ACOXL: variants seen among roughly 807,000 people sequenced by gnomAD.
The protein encoded by ACOXL is acyl-CoA oxidase like.
Under a neutral mutation model 71.9 loss-of-function variants are expected in ACOXL, and 70 were observed. The ratio of observed to expected loss-of-function variants is 0.97; its 90% CI spans 0.80 to 1.19. The LOEUF (loss-of-function observed/expected upper bound fraction) is 1.19. ACOXL is among the 50% of genes most tolerant of loss of function. The probability of loss-of-function intolerance (pLI) is 0.00; values close to 1 mark genes in which losing one functional copy is unlikely to be tolerated. For synonymous variants in ACOXL, 253 were observed against 281.6 expected, an observed-to-expected ratio of 0.90 and a Z score of 1.02; for missense variants, 703 against 736.3, an observed-to-expected ratio of 0.95 and a Z score of 0.52.
At chr2:110,974,627 G>A (rs2062362748) in intron 12 of ACOXL, among the ~76,000 whole-genome samples, 1 of 152,202 alleles carries the variant, frequency 6.6e-6, no homozygotes, top group Non-Finnish European at 1.5e-5. Context: ...ACTTCGCAGT[G>A]CAGATATGCA....
chr2:110,743,804 C>G (rs1474139494), intron 1 of ACOXL, among the ~76,000 whole-genome samples: 1 of 152,240 alleles, frequency 6.6e-6, no homozygotes, highest in Non-Finnish European at 1.5e-5. Context: ...CACATCACCA[C>G]AGGGATGATT....
chr2:110,809,846 G>A (rs1275020310), intron 9 of ACOXL, among the ~76,000 whole-genome samples: 1 of 152,206 alleles, frequency 6.6e-6, no homozygotes, highest in Non-Finnish European at 1.5e-5. Context: ...ACATGGAGTG[G>A]TGGTGTGGCT....
At chr2:111,038,426 T>C (rs1301903555) in intron 15 of ACOXL, among the ~76,000 whole-genome samples, 2 of 152,246 alleles carry the variant, frequency 1.3e-5, no homozygotes, top group African/African-American at 4.8e-5. Flanking sequence ...TTTTCGCTCC[T>C]TTGTTTCCCA....
At chr2:110,893,064 C>T (rs2058853568) in intron 10 of ACOXL, among the ~76,000 whole-genome samples, 1 of 152,018 alleles carries the variant, frequency 6.6e-6, no homozygotes, top group Non-Finnish European at 1.5e-5. Flanking sequence ...ATAAGTGACC[C>T]AACATTTCAT....
At chr2:110,889,176 G>A (rs1697658541) in intron 10 of ACOXL, among the ~76,000 whole-genome samples, 1 of 152,148 alleles carries the variant, frequency 6.6e-6, no homozygotes, top group East Asian at 1.9e-4. Flanking sequence ...CTAGCACTCT[G>A]TGCATTTACC....
At chr2:111,037,727 C>T (rs182624138) in intron 15 of ACOXL, among the ~76,000 whole-genome samples, 76 of 152,298 alleles carry the variant, frequency 5.0e-4, no homozygotes, top group African/African-American at 1.6e-3. Flanking sequence ...GGGTCACACG[C>T]TAATAAGCTG....
intron 14 of ACOXL, among the ~76,000 whole-genome samples, chr2:111,031,407 AT>A (rs1278372468): frequency 6.6e-6 from 1 of 152,202 alleles, no homozygotes; most frequent in Non-Finnish European, 1.5e-5. Context: ...ATTAGTATAA[AT>A]TAATATAAGC....
intron 14 of ACOXL, among the ~76,000 whole-genome samples, chr2:111,030,556 G>A (rs946166959): frequency 5.3e-5 from 8 of 152,322 alleles, no homozygotes; most frequent in African/African-American, 1.9e-4. Context: ...GGAGCACAAA[G>A]CACTGTGTTA....
rs775355808 is a variant in ACOXL, at chr2:111,031,644, G to C, written c.1299G>C (p.Glu433Asp). ...TTGGACAGGTAAAGACCAAGAAGGA[G>C]GATTTTTTCCATGCCTGGAACTCGT... is the stretch of plus-strand genomic sequence containing the variant. ...RIYYKVKTKK[E>D]DFFHAWNSCL... The change falls in exon 15 of 18, where the codon GAG becomes GAC. Residue 433 changes from glutamate (E) to aspartate (D), a missense_variant. By Grantham distance (45) the Glu-to-Asp change is conservative. Transcript: ENST00000439055. The C allele has an allele frequency of 6.8e-6, 11 of 1,614,148 alleles. No individual in the cohort carries two copies. Among genetic ancestry groups the C allele is most frequent in the Non-Finnish European group, 8.5e-6 (10 of 1,180,032 alleles).
At chr2:111,023,333 G>T (rs1484967658) in intron 14 of ACOXL, among the ~76,000 whole-genome samples, 1 of 152,208 alleles carries the variant, frequency 6.6e-6, no homozygotes, top group African/African-American at 2.4e-5. Context: ...CGCTGCCCTG[G>T]ACAGGACCCT....
intron 12 of ACOXL, among the ~76,000 whole-genome samples, chr2:110,962,023 A>G (rs976369731): frequency 6.6e-6 from 1 of 152,230 alleles, no homozygotes; most frequent in African/African-American, 2.4e-5. Flanking sequence ...CAGGTGGTAT[A>G]TTTAGTGTTA....
At chr2:110,907,900 C>T (rs1180823180) in intron 10 of ACOXL, among the ~76,000 whole-genome samples, 1 of 152,192 alleles carries the variant, frequency 6.6e-6, no homozygotes, top group Non-Finnish European at 1.5e-5. Context: ...TGGATGTTCT[C>T]ACCCCATTGG....
intron 9 of ACOXL, among the ~76,000 whole-genome samples, chr2:110,811,299 T>A (rs1185087439): frequency 2.0e-5 from 3 of 152,172 alleles, no homozygotes; most frequent in Non-Finnish European, 2.9e-5. Flanking sequence ...GGAGTGTCTC[T>A]GTAGGTCTTG....
chr2:110,964,304 C>T (rs969418316), intron 12 of ACOXL, among the ~76,000 whole-genome samples: 1 of 152,102 alleles, frequency 6.6e-6, no homozygotes, highest in Non-Finnish European at 1.5e-5. Context: ...TGTTGGAGTC[C>T]AAATTTTCAA....
chr2:110,915,548 T>C (rs772175612), intron 11 of ACOXL, among the ~76,000 whole-genome samples: 7 of 150,904 alleles, frequency 4.6e-5, no homozygotes, highest in Non-Finnish European at 7.4e-5. Context: ...TTCAGCCTCC[T>C]GAGCAACTGG....
intron 16 of ACOXL, among the ~76,000 whole-genome samples, chr2:111,063,338 C>T (rs145322641): frequency 0.025 from 3,757 of 152,070 alleles, 161 homozygotes; most frequent in African/African-American, 0.085. Flanking sequence ...AACTACAGAC[C>T]AATATACCTT....
intron 12 of ACOXL, among the ~76,000 whole-genome samples, chr2:110,966,442 T>C (rs1270033694): frequency 6.6e-6 from 1 of 152,180 alleles, no homozygotes; most frequent in Non-Finnish European, 1.5e-5. Flanking sequence ...CTCTGTGTTC[T>C]CCCCACCCTT....
chr2:110,981,368 C>T (rs1338133537), intron 12 of ACOXL, among the ~76,000 whole-genome samples: 2 of 152,198 alleles, frequency 1.3e-5, no homozygotes, highest in African/African-American at 4.8e-5. Flanking sequence ...AAAGCGTGGA[C>T]TCTGGGTTGA....
intron 13 of ACOXL, among the ~76,000 whole-genome samples, chr2:110,995,404 G>T (rs927180551): frequency 1.2e-4 from 17 of 139,780 alleles, no homozygotes; most frequent in Non-Finnish European, 1.8e-4. Flanking sequence ...GGAAGCTGAG[G>T]CATGAGAATC....
Sources: gnomAD v4.1 joint callset for allele counts (sites outside exome capture counted in the v4.1 genomes callset) on GRCh38, gnomAD v4.1.1 for gene constraint, MANE v1.5 for transcripts, NCBI Gene and HGNC (gene_info 2026-07-23, HGNC 2026-07-21) for gene names.